ARB2A: variants seen among roughly 807,000 people sequenced by gnomAD.
ARB2A encodes cotranscriptional regulator ARB2A.
chr5:93,839,142 C>G, the ARB2A span, among the ~76,000 whole-genome samples: 4 of 152,116 alleles, frequency 2.6e-5, no homozygotes, highest in African/African-American at 9.7e-5. Flanking sequence ...ATGCTTCCAG[C>G]TTTTGCCCAT....
the ARB2A span, among the ~76,000 whole-genome samples, chr5:93,696,188 A>C: frequency 6.6e-6 from 1 of 152,206 alleles, no homozygotes; most frequent in African/African-American, 2.4e-5. Context: ...GTATCTATAA[A>C]AAAACCCACA....
the ARB2A span, among the ~76,000 whole-genome samples, chr5:94,022,431 G>A: frequency 6.6e-6 from 1 of 152,136 alleles, no homozygotes; most frequent in Non-Finnish European, 1.5e-5. Flanking sequence ...AGATTCCCTA[G>A]GGTAAAGGCT....
chr5:93,717,736 G>A, the ARB2A span, among the ~76,000 whole-genome samples: 6 of 151,760 alleles, frequency 4.0e-5, no homozygotes, highest in African/African-American at 9.7e-5. Context: ...TTTATAAGAC[G>A]AATTTCACTC....
chr5:93,680,810 A>G, the ARB2A span, among the ~76,000 whole-genome samples: 1 of 152,304 alleles, frequency 6.6e-6, no homozygotes, highest in East Asian at 1.9e-4. Flanking sequence ...GATTACCAAG[A>G]TTAAAGACAG....
At chr5:93,633,105 C>T in the ARB2A span, among the ~76,000 whole-genome samples, 1 of 152,322 alleles carries the variant, frequency 6.6e-6, no homozygotes, top group Non-Finnish European at 1.5e-5. Context: ...AGCTACTCTA[C>T]CTCACAGCCT....
At chr5:93,901,224 A>G in the ARB2A span, among the ~76,000 whole-genome samples, 16 of 152,344 alleles carry the variant, frequency 1.1e-4, no homozygotes, top group Admixed American at 6.5e-4. Context: ...AAAATTTTTT[A>G]AAATAATGTG....
the ARB2A span, among the ~76,000 whole-genome samples, chr5:94,091,863 G>A: frequency 6.6e-6 from 1 of 151,958 alleles, no homozygotes; most frequent in African/African-American, 2.4e-5. Flanking sequence ...CAACATCTAG[G>A]CCAAAAACAG....
the ARB2A span, among the ~76,000 whole-genome samples, chr5:93,705,998 G>A: frequency 1.3e-5 from 2 of 152,026 alleles, no homozygotes; most frequent in African/African-American, 2.4e-5. Flanking sequence ...TCCTCAAGAA[G>A]TTAAACAGAA....
At chr5:93,907,124 C>T in the ARB2A span, among the ~76,000 whole-genome samples, 1 of 151,350 alleles carries the variant, frequency 6.6e-6, no homozygotes, top group Non-Finnish European at 1.5e-5. Context: ...TTGACGTTGA[C>T]TCTGCCAATG....
chr5:93,814,963 G>A, the ARB2A span, among the ~76,000 whole-genome samples: 6 of 151,460 alleles, frequency 4.0e-5, no homozygotes, highest in Admixed American at 6.6e-5. Flanking sequence ...TCAGCCTCCC[G>A]AATAGCTGGG....
chr5:93,830,985 C>T, the ARB2A span, among the ~76,000 whole-genome samples: 43 of 152,038 alleles, frequency 2.8e-4, no homozygotes, highest in Admixed American at 5.2e-4. Context: ...TCATAAGGAG[C>T]GCACAACCTA....
chr5:93,827,305 G>GT, the ARB2A span, among the ~76,000 whole-genome samples: 1 of 152,130 alleles, frequency 6.6e-6, no homozygotes, highest in African/African-American at 2.4e-5. Flanking sequence ...GTGTAAGATG[G>GT]TATCTCATTG....
At chr5:93,631,785 G>T in the ARB2A span, among the ~76,000 whole-genome samples, 1,063 of 151,368 alleles carry the variant, frequency 7.0e-3, 11 homozygotes, top group African/African-American at 0.024. Flanking sequence ...AGACAGAGAG[G>T]GGGGAGGGGG....
the ARB2A span, among the ~76,000 whole-genome samples, chr5:93,916,619 C>G: frequency 5.9e-5 from 9 of 152,124 alleles, no homozygotes; most frequent in Non-Finnish European, 1.3e-4. Flanking sequence ...TCGAGAGTCT[C>G]TGTCTTGGCT....
chr5:93,739,229 T>C, the ARB2A span: 3 of 151,504 alleles, frequency 2.0e-5, no homozygotes, highest in East Asian at 5.9e-4. Flanking sequence ...TTATTCTCTA[T>C]ACAGCCACCA....
chr5:93,683,385 T>C, the ARB2A span: 1 of 1,602,804 alleles, frequency 6.2e-7, no homozygotes, highest in Non-Finnish European at 8.5e-7. Context: ...TGCTGTCCAC[T>C]AATATGCACT....
the ARB2A span, chr5:93,737,831 T>A: frequency 2.2e-5 from 9 of 410,528 alleles, no homozygotes; most frequent in South Asian, 1.6e-4. Context: ...TATACAAAAA[T>A]TAACTTGAAA....
At chr5:93,675,821 T>A in the ARB2A span, among the ~76,000 whole-genome samples, 2 of 152,224 alleles carry the variant, frequency 1.3e-5, no homozygotes, top group African/African-American at 4.8e-5. Context: ...CTGTTCAGTG[T>A]CTCTAATTTT....
the ARB2A span, among the ~76,000 whole-genome samples, chr5:93,901,521 T>C: frequency 6.6e-6 from 1 of 152,194 alleles, no homozygotes; most frequent in African/African-American, 2.4e-5. Context: ...AGGGCCTATA[T>C]TATATTCATA....
Sources: allele counts gnomAD v4.1 joint callset (sites outside exome capture counted in the v4.1 genomes callset), GRCh38; gene constraint gnomAD v4.1.1; transcripts MANE v1.5; gene names NCBI Gene and HGNC (gene_info 2026-07-23, HGNC 2026-07-21).